GLI2: variants seen among roughly 807,000 people sequenced by gnomAD.
GLI2 encodes the protein GLI family zinc finger 2.
GLI2 carries 22 observed loss-of-function variants against 78.9 expected under a neutral mutation model. The observed-to-expected ratio is 0.28, with a 90% CI of 0.20 to 0.40. The LOEUF (loss-of-function observed/expected upper bound fraction) is 0.40, where lower values mean the gene tolerates loss of function less well. Among genes scored for constraint, GLI2 ranks in the 10% least tolerant of loss-of-function variants. The pLI, the probability that GLI2 is intolerant of heterozygous loss-of-function variation, is 1.00. For synonymous variants in GLI2, 974 were observed against 963.7 expected (o/e 1.01, Z -0.20); for missense variants, 2,097 against 2,213.2 (o/e 0.95, Z 1.05).
intron 1 of GLI2, among the ~76,000 whole-genome samples, chr2:120,742,679 T>TAAAAAAAAAAA (rs10522388): frequency 0.065 from 9,186 of 140,358 alleles, 605 homozygotes; most frequent in African/African-American, 0.17. Context: ...AGGATGACTT[T>TAAAAAAAAAAA]AAAAAAAAAG....
intron 8 of GLI2, among the ~76,000 whole-genome samples, chr2:120,972,477 G>T (rs536570374): frequency 1.3e-5 from 2 of 152,126 alleles, no homozygotes; most frequent in African/African-American, 4.8e-5. Context: ...TGGCTCCTTC[G>T]CTGCCACTTC....
chr2:120,871,336 A>G (rs186040449), intron 2 of GLI2, among the ~76,000 whole-genome samples: 107 of 152,304 alleles, frequency 7.0e-4, no homozygotes, highest in African/African-American at 1.9e-3. Context: ...TGGACGCTCC[A>G]TGAGTGTTTA....
At chr2:120,967,865 G>A (rs534256137) in intron 5 of GLI2, among the ~76,000 whole-genome samples, 48 of 152,342 alleles carry the variant, frequency 3.2e-4, no homozygotes, top group African/African-American at 1.1e-3. Flanking sequence ...CCATGTCCTC[G>A]TGTCCTCCCT....
intron 2 of GLI2, among the ~76,000 whole-genome samples, chr2:120,916,444 C>T (rs1050238202): frequency 2.0e-5 from 3 of 152,254 alleles, no homozygotes; most frequent in Non-Finnish European, 4.4e-5. Context: ...CAGGTCTGGC[C>T]TCTTCCAATG....
At chr2:120,876,105 G>T (rs1688724199) in intron 2 of GLI2, among the ~76,000 whole-genome samples, 3 of 152,210 alleles carry the variant, frequency 2.0e-5, no homozygotes, top group African/African-American at 7.2e-5. Context: ...ACTTTGGGAG[G>T]CCTAGGCGGG....
chr2:120,774,703 G>T (rs969846429), intron 1 of GLI2, among the ~76,000 whole-genome samples: 6 of 152,190 alleles, frequency 3.9e-5, no homozygotes, highest in African/African-American at 9.7e-5. Context: ...TGGCCAGAGG[G>T]GAGCAGCAGC....
chr2:120,854,787 G>T (rs1687567404), intron 2 of GLI2, among the ~76,000 whole-genome samples: 1 of 152,248 alleles, frequency 6.6e-6, no homozygotes, highest in Admixed American at 6.5e-5. Context: ...TTAAACATGA[G>T]ATTCTGGGCT....
At chr2:120,944,072 C>G (rs1025678464) in intron 3 of GLI2, among the ~76,000 whole-genome samples, 1 of 152,154 alleles carries the variant, frequency 6.6e-6, no homozygotes. Context: ...ATTCTCACTC[C>G]CAGGGACAGC....
At chr2:120,933,655 C>G (rs964508958) in intron 3 of GLI2, among the ~76,000 whole-genome samples, 2 of 152,152 alleles carry the variant, frequency 1.3e-5, no homozygotes, top group Admixed American at 6.5e-5. Flanking sequence ...TGAGGTGTGG[C>G]GAGGAAGGGT....
intron 2 of GLI2, among the ~76,000 whole-genome samples, chr2:120,798,966 C>G (rs921635395): frequency 6.6e-6 from 1 of 152,230 alleles, no homozygotes; most frequent in Non-Finnish European, 1.5e-5. Flanking sequence ...ATCCCCCCAT[C>G]CCTCCGCCCC....
intron 2 of GLI2, among the ~76,000 whole-genome samples, chr2:120,850,912 A>G (rs778089474): frequency 1.3e-5 from 2 of 152,248 alleles, no homozygotes; most frequent in Non-Finnish European, 2.9e-5. Context: ...TGGTATTTTA[A>G]TACCTTCCTT....
At chr2:120,901,611 G>A (rs369221421) in intron 2 of GLI2, among the ~76,000 whole-genome samples, 20 of 152,202 alleles carry the variant, frequency 1.3e-4, no homozygotes, top group East Asian at 3.9e-4. Context: ...CAACATCCAC[G>A]GAGTGCACAT....
At chr2:120,741,170 T>C (rs972116211) in intron 1 of GLI2, among the ~76,000 whole-genome samples, 1 of 152,192 alleles carries the variant, frequency 6.6e-6, no homozygotes, top group Admixed American at 6.5e-5. Context: ...AGTATCTCCC[T>C]TCCTCCAGAC....
At chr2:120,741,549 TTCTC>T (rs922045754) in intron 1 of GLI2, among the ~76,000 whole-genome samples, 4 of 151,096 alleles carry the variant, frequency 2.6e-5, no homozygotes, top group Admixed American at 2.6e-4. Flanking sequence ...TTCCTCCGCC[TTCTC>T]TCTCCCTCTC....
intron 1 of GLI2, 123 bp from the exon 2 acceptor site, chr2:120,797,168 A>C: frequency 2.6e-6 from 2 of 756,144 alleles, no homozygotes; most frequent in Non-Finnish European, 4.7e-6. Flanking sequence ...CCTCCTTCCC[A>C]ATTATAAGAG....
At chr2:120,930,975 G>A (rs895035155) in intron 3 of GLI2, among the ~76,000 whole-genome samples, 1 of 152,230 alleles carries the variant, frequency 6.6e-6, no homozygotes, top group African/African-American at 2.4e-5. Context: ...ATGCAGCAGG[G>A]AGGAGTGGCC....
chr2:120,842,208 C>T (rs1686920111), intron 2 of GLI2, among the ~76,000 whole-genome samples: 1 of 152,100 alleles, frequency 6.6e-6, no homozygotes, highest in Non-Finnish European at 1.5e-5. Flanking sequence ...CCAATGTTCC[C>T]TGCCTCTCAC....
intron 2 of GLI2, among the ~76,000 whole-genome samples, chr2:120,880,697 T>C (rs1032205707): frequency 6.6e-6 from 1 of 152,184 alleles, no homozygotes; most frequent in African/African-American, 2.4e-5. Flanking sequence ...TTAGGACAAT[T>C]GAGGTATCTG....
At chr2:120,969,599 C>A (rs1001059216) in intron 6 of GLI2, among the ~76,000 whole-genome samples, 2 of 152,272 alleles carry the variant, frequency 1.3e-5, no homozygotes, top group African/African-American at 4.8e-5. Flanking sequence ...TCTCTCCCCC[C>A]ATTTCTGAGG....
Sources: allele counts gnomAD v4.1 joint callset (sites outside exome capture counted in the v4.1 genomes callset), GRCh38; gene constraint gnomAD v4.1.1; transcripts MANE v1.5; gene names NCBI Gene and HGNC (gene_info 2026-07-23, HGNC 2026-07-21).